Variants in SPRYD4 observed in about 807,000 individuals in gnomAD.
SPRYD4 encodes SPRY domain containing 4, also known as SPRY domain-containing protein 4.
In SPRYD4, 12 loss-of-function variants were observed where a neutral mutation model predicts 16.6. The observed-to-expected ratio is 0.72, with a 90% CI of 0.46 to 1.17. The LOEUF is 1.17. Among genes scored for constraint, SPRYD4 ranks in the 50% most tolerant of loss-of-function variants. The probability of loss-of-function intolerance (pLI) is 0.00; values close to 1 mark genes in which losing one functional copy is unlikely to be tolerated. For missense variants in SPRYD4, 260 were observed against 260.2 expected (o/e 1.00, Z 0.00); for synonymous variants, 98 against 105.4 (o/e 0.93, Z 0.43).
rs931586730 is a variant in SPRYD4 at position 56,471,972 on chromosome 12, CAT to C, written c.*2397_*2398del. 1 of 1,260,964 alleles carries C rather than the reference CAT, an allele frequency of 7.9e-7. No homozygotes were observed. The highest frequency in any genetic ancestry group is 1.5e-5 in the African/African-American group (1 of 67,842). The allele number at this position is 1,260,964 out of a possible 1,614,324, so 78.1% of individuals were successfully genotyped here. A position where few individuals can be genotyped will look rare whatever the true frequency, so the allele number is the denominator to read the frequency against. ...CATTTTGTACCCTGCAGCACTCAGT[CAT>C]AGTCTAGCTGCAAACCGAAGGGTGT... On this transcript the variant is annotated 3_prime_UTR_variant, in exon 2 of 2. Transcript: ENST00000338146.
rs376282222 is a variant in SPRYD4 at position 56,475,018 on chromosome 12, T to C, written c.*5441T>C. 5.0e-6 allele frequency: 8 copies of C among 1,613,940 alleles called. No homozygotes were observed. The African/African-American group carries it at 1.1e-4, about 22-fold the overall frequency. Reference sequence around the variant, plus strand: ...CACTAGCAGCAGAATTCCCAGGGACTTTCTCTTCCGGCCTCTTCTGGTTAC... The same window carrying C: ...CACTAGCAGCAGAATTCCCAGGGACCTTCTCTTCCGGCCTCTTCTGGTTAC... On this transcript the variant is annotated 3_prime_UTR_variant, in exon 2 of 2. Transcript: ENST00000338146.
rs1354895965 is a variant in SPRYD4 at position 56,471,446 on chromosome 12, C to G, written c.*1869C>G. 2 of 1,576,268 alleles carry G rather than the reference C, an allele frequency of 1.3e-6. No homozygotes were observed. The highest frequency in any genetic ancestry group is 2.7e-5 in the African/African-American group (2 of 73,958). ...GGTTATGGATTACATGTGTGGCCAG[C>G]TCATGCTTTTTCTTGAGCAGGGGCT... On this transcript the variant is annotated 3_prime_UTR_variant, in exon 2 of 2. Transcript: ENST00000338146.
chr12:56,478,329 G>A lies in SPRYD4; in HGVS notation c.*8752G>A. On this transcript the variant is annotated 3_prime_UTR_variant, in exon 2 of 2. Coordinates refer to ENST00000338146, the MANE Select transcript of SPRYD4 (RefSeq NM_207344.4). ...AAGAGGAACAGAGTTGAGGTTGAGGGTCAAGAGAATCTTTTAGATAAAAGC... is the reference window on the plus strand; with the variant it reads ...AAGAGGAACAGAGTTGAGGTTGAGGATCAAGAGAATCTTTTAGATAAAAGC... The A allele has an allele frequency of 1.3e-6, 2 of 1,521,010 alleles. No individual in the cohort carries two copies. Among genetic ancestry groups the A allele is most frequent in the Admixed American group, 3.4e-5 (2 of 58,450 alleles). The allele number at this position is 1,521,010 out of a possible 1,614,324, so 94.2% of individuals were successfully genotyped here.
chr12:56,473,885 A>G lies in SPRYD4; in HGVS notation c.*4308A>G, dbSNP rs749587595. ...TAGGAGATAGGTAATAAACAGGTAAATAAATAGACACGTAATGTTTAAAGT... is the reference window on the plus strand; with the variant it reads ...TAGGAGATAGGTAATAAACAGGTAAGTAAATAGACACGTAATGTTTAAAGT... On this transcript the variant is annotated 3_prime_UTR_variant, in exon 2 of 2. Coordinates refer to ENST00000338146, the MANE Select transcript of SPRYD4 (RefSeq NM_207344.4). 7 of 299,620 alleles carry G rather than the reference A, an allele frequency of 2.3e-5. No homozygotes were observed. Among genetic ancestry groups the G allele is most frequent in the Non-Finnish European group, 6.1e-6 (1 of 162,900 alleles). 18.6% of individuals were successfully genotyped at this position (299,620 alleles called of 1,614,324 possible).
At chr12:56,468,881 TC>T in intron 1 of SPRYD4, 157 bp from the exon 2 acceptor site, 2 of 1,074,846 alleles carry the variant, frequency 1.9e-6, no homozygotes, top group Non-Finnish European at 2.6e-6. Flanking sequence ...CCGTGAGCTA[TC>T]CGTAGTAAAG....
In SPRYD4 at chr12:56,474,523, A is replaced by G; in HGVS notation, c.*4946A>G. On this transcript the variant is annotated 3_prime_UTR_variant, in exon 2 of 2. Coordinates refer to ENST00000338146, the MANE Select transcript of SPRYD4 (RefSeq NM_207344.4). ...TTAGCACTGGGCTCATGACAGATGG[A>G]TAGCAGAGCCAGAAACTCACGTGGA... is the stretch of plus-strand genomic sequence containing the variant. The G allele has an allele frequency of 6.2e-7, 1 of 1,613,166 alleles. No homozygotes were observed. Among genetic ancestry groups the G allele is most frequent in the Non-Finnish European group, 8.5e-7 (1 of 1,179,934 alleles).
rs917588425 is a variant in SPRYD4, at chr12:56,478,606, G to A, written c.*9029G>A. The A allele has an allele frequency of 1.7e-5, 5 of 300,616 alleles. No individual in the cohort carries two copies. Among genetic ancestry groups the A allele is most frequent in the African/African-American group, 4.3e-5 (2 of 46,054 alleles). 18.6% of individuals were successfully genotyped at this position (300,616 alleles called of 1,614,324 possible). A position where few individuals can be genotyped will look rare whatever the true frequency, so the allele number is the denominator to read the frequency against. Reference sequence around the variant, plus strand: ...GATTCCCTCACCTGCTCTAGGAATCGTGTATAGAAACACATGAAGCCATGT... The same window carrying A: ...GATTCCCTCACCTGCTCTAGGAATCATGTATAGAAACACATGAAGCCATGT... On this transcript the variant is annotated 3_prime_UTR_variant, in exon 2 of 2. Coordinates refer to ENST00000338146, the MANE Select transcript of SPRYD4 (RefSeq NM_207344.4).
In SPRYD4 at chr12:56,474,644, A is replaced by G. The variant is rs750916786; in HGVS notation, c.*5067A>G. The G allele has an allele frequency of 3.1e-6, 5 of 1,614,158 alleles. No individual in the cohort carries two copies. Among genetic ancestry groups the G allele is most frequent in the Admixed American group, 1.7e-5 (1 of 60,020 alleles). On this transcript the variant is annotated 3_prime_UTR_variant, in exon 2 of 2. Coordinates refer to ENST00000338146, the MANE Select transcript of SPRYD4 (RefSeq NM_207344.4). ...AGCACTCAGCACACTCTCGCCTGTG[A>G]TGGGGCAGATCCCACCGTTGGCGAG...
In SPRYD4 at chr12:56,469,752, A is replaced by G. The variant is rs190189775; in HGVS notation, c.*175A>G. On this transcript the variant is annotated 3_prime_UTR_variant, in exon 2 of 2. Transcript: ENST00000338146. ...CCTACCTTGTGAAAGCTAGGCATAC[A>G]GCCAAACCCTCCTTTTCCCCACCCA... 2.3e-5 allele frequency: 15 copies of G among 665,420 alleles called. No homozygotes were observed. Among genetic ancestry groups the G allele is most frequent in the African/African-American group, 1.9e-4 (10 of 53,600 alleles). 41.2% of individuals were successfully genotyped at this position (665,420 alleles called of 1,614,324 possible). A position where few individuals can be genotyped will look rare whatever the true frequency, so the allele number is the denominator to read the frequency against.
rs763627998 is a variant in SPRYD4 at position 56,469,578 on chromosome 12, T to C, written c.*1T>C. ...GCTTGAGGTGCCCGAGGGCCTCTAG[T>C]ATGTCCATTACTGGAGTCCCTAATC... On this transcript the variant is annotated 3_prime_UTR_variant, in exon 2 of 2. Transcript: ENST00000338146. 6 of 1,611,292 alleles carry C rather than the reference T, an allele frequency of 3.7e-6. No homozygotes were observed. In the Admixed American group the frequency reaches 6.7e-5, roughly 18 times the overall value.
chr12:56,479,016 G>A lies in SPRYD4; in HGVS notation c.*9439G>A. 1 of 1,572,142 alleles carries A rather than the reference G, an allele frequency of 6.4e-7. No homozygotes were observed. The highest frequency in any genetic ancestry group is 1.7e-4 in the Middle Eastern group (1 of 5,728). Reference sequence around the variant, plus strand: ...AAAAAAAAAAAAAAAATCTGGCCCAGGTCCCTGACCCCTCCCTTAGTCCCC... The same window carrying A: ...AAAAAAAAAAAAAAAATCTGGCCCAAGTCCCTGACCCCTCCCTTAGTCCCC... On this transcript the variant is annotated 3_prime_UTR_variant, in exon 2 of 2. Transcript: ENST00000338146.
Position 56,469,180 on chromosome 12 carries a change from T to A in SPRYD4, c.227T>A (p.Val76Glu). The change falls in exon 2 of 2, where the codon GTG (valine) becomes GAG (glutamate). Residue 76 changes from valine (V) to glutamate (E), a missense_variant. By Grantham distance (121) the Val-to-Glu change is moderately radical (BLOSUM62 -2). Transcript: ENST00000338146. Reference protein sequence around the residue: ...LNVERFREWAVVLADTAVTSG... With the variant: ...LNVERFREWAEVLADTAVTSG... ...GTGGAGCGCTTCCGGGAGTGGGCAGTGGTGCTGGCAGACACAGCGGTCACC... is the reference window on the plus strand; with the variant it reads ...GTGGAGCGCTTCCGGGAGTGGGCAGAGGTGCTGGCAGACACAGCGGTCACC... 1 of 1,613,892 alleles carries A rather than the reference T, an allele frequency of 6.2e-7. No homozygotes were observed. The highest frequency in any genetic ancestry group is 8.5e-7 in the Non-Finnish European group (1 of 1,179,978).
At position 56,473,659 on chromosome 12, in the gene SPRYD4, A is replaced by G; in HGVS notation, c.*4082A>G. 1 of 1,545,678 alleles carries G rather than the reference A, an allele frequency of 6.5e-7. No homozygotes were observed. Among genetic ancestry groups the G allele is most frequent in the Non-Finnish European group, 8.7e-7 (1 of 1,144,460 alleles). On this transcript the variant is annotated 3_prime_UTR_variant, in exon 2 of 2. Coordinates refer to ENST00000338146, the MANE Select transcript of SPRYD4 (RefSeq NM_207344.4). ...CCCCAAATCAGAAAATAAACAAGTT[A>G]GGCTGTACTCTTAACAAGTTTACAA...
rs1052261289 is a variant in SPRYD4 at position 56,475,432 on chromosome 12, T to C, written c.*5855T>C. The C allele has an allele frequency of 5.6e-5, 40 of 712,444 alleles. No homozygotes were observed. The African/African-American group carries it at 6.6e-4, about 12-fold the overall frequency. 44.1% of individuals were successfully genotyped at this position (712,444 alleles called of 1,614,324 possible). On this transcript the variant is annotated 3_prime_UTR_variant, in exon 2 of 2. Coordinates refer to ENST00000338146, the MANE Select transcript of SPRYD4 (RefSeq NM_207344.4). ...CACTGCCTCTCTCATTATGTACTAA[T>C]TAGAAATGGAACAAATTATTTTACA...
Position 56,475,779 on chromosome 12 carries a change from A to T in SPRYD4, c.*6202A>T. 7.0e-7 allele frequency: 1 copy of T among 1,431,584 alleles called. No homozygotes were observed. Among genetic ancestry groups the T allele is most frequent in the Non-Finnish European group, 9.7e-7 (1 of 1,029,520 alleles). 88.7% of individuals were successfully genotyped at this position (1,431,584 alleles called of 1,614,324 possible). ...GCCCTTCTGAACTCAGGTCTTGTCA[A>T]GAGGCTTTCCTCTCTGAGGCCAGCA... On this transcript the variant is annotated 3_prime_UTR_variant, in exon 2 of 2. Coordinates refer to ENST00000338146, the MANE Select transcript of SPRYD4 (RefSeq NM_207344.4).
rs1869785885 is a variant in SPRYD4, at chr12:56,476,116, T to G, written c.*6539T>G. ...GTTCAATTTTATAATGGCCCTTTTTTTATCCTTCTGAAAACACCGCACTTC... is the reference window on the plus strand; with the variant it reads ...GTTCAATTTTATAATGGCCCTTTTTGTATCCTTCTGAAAACACCGCACTTC... On this transcript the variant is annotated 3_prime_UTR_variant, in exon 2 of 2. Transcript: ENST00000338146. 1.9e-5 allele frequency: 14 copies of G among 748,324 alleles called. 1 individual carries two copies. In the Admixed American group the frequency reaches 3.3e-4, roughly 18 times the overall value. The allele number at this position is 748,324 out of a possible 1,614,324, so 46.4% of individuals were successfully genotyped here.
In SPRYD4 at chr12:56,478,078, T is replaced by C. The variant is rs1869979587; in HGVS notation, c.*8501T>C. ...AGGACTGCAGGCAGAAGGGGATCTT[T>C]GTGTGGCCCACAGAGTGCCTGGAGG... On this transcript the variant is annotated 3_prime_UTR_variant, in exon 2 of 2. Coordinates refer to ENST00000338146, the MANE Select transcript of SPRYD4 (RefSeq NM_207344.4). The C allele has an allele frequency of 1.2e-6, 2 of 1,614,098 alleles. No homozygotes were observed. Among genetic ancestry groups the C allele is most frequent in the East Asian group, 2.2e-5 (1 of 44,882 alleles).
Position 56,478,986 on chromosome 12 carries a change from GA to G in SPRYD4, c.*9429del, listed in dbSNP as rs34646954. On this transcript the variant is annotated 3_prime_UTR_variant, in exon 2 of 2. Transcript: ENST00000338146. ...GTGACAGAGCAAAACTCTGTCTCAG[GA>G]AAAAAAAAAAAAAAAAAAATCTGGC... The G allele has an allele frequency of 0.14, 187,919 of 1,320,388 alleles. 334 individuals are homozygous for G. Among genetic ancestry groups the G allele is most frequent in the African/African-American group, 0.17 (10,264 of 58,900 alleles). 81.8% of individuals were successfully genotyped at this position (1,320,388 alleles called of 1,614,324 possible).
In SPRYD4 at chr12:56,475,238, C is replaced by T; in HGVS notation, c.*5661C>T. On this transcript the variant is annotated 3_prime_UTR_variant, in exon 2 of 2. Transcript: ENST00000338146. ...AACTAAATGAACCCCTTTATAACTT[C>T]TCACAGTAATATTAGAGGAAATTTC... 3 of 1,589,148 alleles carry T rather than the reference C, an allele frequency of 1.9e-6. No individual in the cohort carries two copies. Among genetic ancestry groups the T allele is most frequent in the Non-Finnish European group, 2.6e-6 (3 of 1,173,406 alleles).
Sources: gnomAD v4.1 joint callset for allele counts on GRCh38, gnomAD v4.1.1 for gene constraint, MANE v1.5 for transcripts, NCBI Gene and HGNC (gene_info 2026-07-23, HGNC 2026-07-21) for gene names.